Variants in ATR observed in about 807,000 individuals in gnomAD.
ATR encodes the protein ATR checkpoint kinase.
A neutral mutation model predicts 305.3 loss-of-function variants in ATR; 142 were observed. The ratio of observed to expected loss-of-function variants is 0.47; its 90% confidence interval spans 0.41 to 0.53. The LOEUF (loss-of-function observed/expected upper bound fraction) is 0.53. ATR is among the 20% of genes least tolerant of loss of function. The probability of loss-of-function intolerance (pLI) is 0.00; values close to 1 mark genes in which losing one functional copy is unlikely to be tolerated. For synonymous variants in ATR, 1,050 were observed against 1,068.1 expected, an observed-to-expected ratio of 0.98 and a Z score of 0.33; for missense variants, 2,135 against 3,133.1, an observed-to-expected ratio of 0.68 and a Z score of 7.60.
chr3:142,515,512 G>A lies in ATR; in HGVS notation c.4386C>T (p.Tyr1462=). The A allele has an allele frequency of 6.2e-7, 1 of 1,610,232 alleles. No homozygotes were observed. The highest frequency in any genetic ancestry group is 8.5e-7 in the Non-Finnish European group (1 of 1,176,740). The change falls in exon 25 of 47, where the codon TAC becomes TAT. Residue 1462 remains tyrosine, a synonymous_variant. Coordinates refer to ENST00000350721, the MANE Select transcript of ATR (RefSeq NM_001184.4). The part of the protein sequence containing the change: ...EILEPHLNTR[Y]KSSQKSTDWS... ...AATCGGTTGACTTCTGAGAACTCTT[G>A]TATCTGTAATTTTGAAAATTTGTTT...
Position 142,499,555 on chromosome 3 carries a change from A to G in ATR, c.5380+72T>C, listed in dbSNP as rs2108344293. The G allele has an allele frequency of 2.1e-6, 3 of 1,424,508 alleles. No individual in the cohort carries two copies. The East Asian group carries it at 7.0e-5, about 33-fold the overall frequency. The allele number at this position is 1,424,508 out of a possible 1,614,324, so 88.2% of individuals were successfully genotyped here. On this transcript the variant is annotated intron_variant, in intron 31 of 46. Transcript: ENST00000350721. ...ATGATCCGCCCGCCTCAGCCGCCCA[A>G]AGTGCTGGGATTACAGGCGTGAGCC...
In ATR at chr3:142,468,386, G is replaced by A. The variant is rs570917337; in HGVS notation, c.6553-318C>T. Among the ~76,000 whole-genome samples, 13 of 151,944 alleles carry A rather than the reference G, an allele frequency of 8.6e-5. No homozygotes were observed. The East Asian group carries it at 2.5e-3, about 29-fold the overall frequency. On this transcript the variant is annotated intron_variant, in intron 38 of 46. Coordinates refer to ENST00000350721, the MANE Select transcript of ATR (RefSeq NM_001184.4). Reference sequence around the variant, plus strand: ...AATGATTAACTAAACAGTTAAATAAGTTATTGAAGGCTATTTTTTAGAATT... The same window carrying A: ...AATGATTAACTAAACAGTTAAATAAATTATTGAAGGCTATTTTTTAGAATT...
At chr3:142,572,927 T>C (rs568435031) in intron 1 of ATR, among the ~76,000 whole-genome samples, 1 of 152,360 alleles carries the variant, frequency 6.6e-6, no homozygotes, top group Admixed American at 6.5e-5. Flanking sequence ...TCTGGACCTA[T>C]GGAATATTTA....
chr3:142,474,915 T>A (rs4318566), intron 36 of ATR, among the ~76,000 whole-genome samples: 83,626 of 151,670 alleles, frequency 0.55, 24,185 homozygotes, highest in African/African-American at 0.74. Flanking sequence ...ATTTTTTTTT[T>A]AAAAAAAGTT....
Position 142,467,953 on chromosome 3 carries a change from A to G in ATR, c.6668T>C (p.Leu2223Pro), listed in dbSNP as rs141464709. 8 of 1,612,984 alleles carry G rather than the reference A, an allele frequency of 5.0e-6. No homozygotes were observed. The highest frequency in any genetic ancestry group is 6.8e-6 in the Non-Finnish European group (8 of 1,179,438). Reference protein sequence around the residue: ...GDATRLTDKLLELCNKPVDGS... With the variant: ...GDATRLTDKLPELCNKPVDGS... ...TAGTACCGGTTTATTGCACAATTCT[A>G]GAAGCTTATCTGTTAGGCGAGTTGC... Residue 2223 changes from leucine (L) to proline (P), a missense_variant, in exon 39 of 47, where the codon CTA (leucine) becomes CCA (proline). Coordinates refer to ENST00000350721, the MANE Select transcript of ATR (RefSeq NM_001184.4).
chr3:142,454,917 GT>G (rs955339594), intron 45 of ATR, among the ~76,000 whole-genome samples: 1 of 152,142 alleles, frequency 6.6e-6, no homozygotes, highest in African/African-American at 2.4e-5. Context: ...CACTGATTTA[GT>G]TAGGGCAAGT....
intron 31 of ATR, chr3:142,499,317 TG>T (rs1162177312): frequency 1.1e-4 from 34 of 298,736 alleles, no homozygotes; most frequent in Admixed American, 9.2e-5. Flanking sequence ...TTCTTTGAGA[TG>T]GAGTCTCACT....
intron 16 of ATR, among the ~76,000 whole-genome samples, chr3:142,546,734 G>A (rs895918489): frequency 9.2e-5 from 14 of 152,166 alleles, no homozygotes; most frequent in Admixed American, 5.2e-4. Flanking sequence ...CAGATGCCAC[G>A]CAGGAAAGAA....
At chr3:142,525,803 A>C (rs79576118) in intron 21 of ATR, among the ~76,000 whole-genome samples, 21,159 of 151,706 alleles carry the variant, frequency 0.14, 1,503 homozygotes, top group Non-Finnish European at 0.16. Context: ...TGATATGCCA[A>C]CTCCCCTTCC....
intron 33 of ATR, 70 bp downstream of exon 33, chr3:142,496,943 C>T: frequency 4.7e-6 from 7 of 1,491,128 alleles, no homozygotes; most frequent in Non-Finnish European, 6.4e-6. Flanking sequence ...GAAATACAAA[C>T]ACCCCCAAAT....
intron 1 of ATR, among the ~76,000 whole-genome samples, chr3:142,569,633 T>G (rs111548574): frequency 0.018 from 2,727 of 151,846 alleles, 29 homozygotes; most frequent in South Asian, 0.04. Context: ...TGTTTTTTTT[T>G]TGTGGGATTT....
Position 142,449,749 on chromosome 3 carries a change from TAAAC to T in ATR, c.7762-151_7762-148del, listed in dbSNP as rs2070740151. 18 of 852,794 alleles carry T rather than the reference TAAAC, an allele frequency of 2.1e-5. No homozygotes were observed. The South Asian group carries it at 2.7e-4, about 13-fold the overall frequency. The allele number at this position is 852,794 out of a possible 1,614,324, so 52.8% of individuals were successfully genotyped here. On this transcript the variant is annotated intron_variant, in intron 46 of 46. Coordinates refer to ENST00000350721, the MANE Select transcript of ATR (RefSeq NM_001184.4). ...GAGCAAATACAGGAAAAGAAGAAAT[TAAAC>T]AAATACAGTTAGCTTGTGATACTGA... is the stretch of plus-strand genomic sequence containing the variant.
rs142463659 is a variant in ATR at position 142,463,106 on chromosome 3, C to T, written c.7042-1016G>A. Among the ~76,000 whole-genome samples, 262 of 152,206 alleles carry T rather than the reference C, an allele frequency of 1.7e-3. 1 individual carries two copies. The highest frequency in any genetic ancestry group is 4.4e-3 in the Admixed American group (68 of 15,294). On this transcript the variant is annotated intron_variant, in intron 41 of 46. Coordinates refer to ENST00000350721, the MANE Select transcript of ATR (RefSeq NM_001184.4). Reference sequence around the variant, plus strand: ...TGGCCATAGAATCTCATATAAAGATCAGTGTGTGGCCTCCAAAACTAACAT... The same window carrying T: ...TGGCCATAGAATCTCATATAAAGATTAGTGTGTGGCCTCCAAAACTAACAT...
chr3:142,458,012 G>T (rs1204367380), intron 44 of ATR, among the ~76,000 whole-genome samples: 8 of 152,122 alleles, frequency 5.3e-5, no homozygotes, highest in Non-Finnish European at 1.2e-4. Flanking sequence ...TTAGTACAGT[G>T]AATAAGCAGT....
chr3:142,545,305 G>A (rs2034225548), intron 16 of ATR, among the ~76,000 whole-genome samples: 1 of 152,106 alleles, frequency 6.6e-6, no homozygotes, highest in Non-Finnish European at 1.5e-5. Context: ...TAAGGGAGTC[G>A]AGACAGGGTA....
chr3:142,459,387 C>A lies in ATR; in HGVS notation c.7193-4G>T, dbSNP rs1424728270. ...TCTTTTCCTGTCATATACACTCCTG[C>A]AAGGAAGAGTGATATCCATTAATCA... On this transcript the variant is annotated splice_polypyrimidine_tract_variant and splice_region_variant and intron_variant, in intron 42 of 46. Transcript: ENST00000350721. The A allele has an allele frequency of 1.9e-6, 3 of 1,613,436 alleles. No homozygotes were observed. Among genetic ancestry groups the A allele is most frequent in the Non-Finnish European group, 2.5e-6 (3 of 1,179,704 alleles).
chr3:142,553,394 C>T lies in ATR; in HGVS notation c.2638G>A (p.Ala880Thr), dbSNP rs367864862. ...ILTTGDIGRA[A>T]KGDLVPFALL... ...GCAAATGGTACCAAATCTCCTTTTG[C>T]GGCCCTAAAATTAAAAACAACATAC... is the stretch of plus-strand genomic sequence containing the variant. Residue 880 changes from alanine to threonine, a missense_variant, in exon 13 of 47, where the codon GCA becomes ACA. Physicochemically the swap from Ala to Thr is moderately conservative, Grantham distance 58 (BLOSUM62 0). This residue lies in a region of ATR where 530 missense variants were observed against 766.8 expected (regional missense o/e 0.69). Transcript: ENST00000350721. 2.4e-5 allele frequency: 39 copies of T among 1,612,782 alleles called. No homozygotes were observed. In the East Asian group the frequency reaches 3.3e-4, roughly 14 times the overall value.
chr3:142,567,679 A>C (rs188348202), intron 2 of ATR, among the ~76,000 whole-genome samples: 1 of 152,328 alleles, frequency 6.6e-6, no homozygotes, highest in East Asian at 1.9e-4. Context: ...GCATGAACCT[A>C]CTTAAAGAGT....
chr3:142,536,479 G>C (rs1167252455), intron 19 of ATR, among the ~76,000 whole-genome samples: 1 of 152,190 alleles, frequency 6.6e-6, no homozygotes, highest in East Asian at 1.9e-4. Flanking sequence ...TTCAAGCTGG[G>C]CTGAGTGTGT....
Sources: gnomAD v4.1 joint callset for allele counts (sites outside exome capture counted in the v4.1 genomes callset) on GRCh38, gnomAD v4.1.1 for gene constraint, gnomAD v4.1.1 regional missense constraint, MANE v1.5 for transcripts, NCBI Gene and HGNC (gene_info 2026-07-23, HGNC 2026-07-21) for gene names.